UCMA: variants seen among roughly 807,000 people sequenced by gnomAD.
The protein encoded by UCMA is upper zone of growth plate and cartilage matrix-associated protein.
A neutral mutation model predicts 21.8 loss-of-function variants in UCMA; 21 were observed. The ratio of observed to expected loss-of-function variants is 0.97; its 90% CI spans 0.68 to 1.39. The LOEUF (loss-of-function observed/expected upper bound fraction) is 1.39, where lower values mean the gene tolerates loss of function less well. Ranked by LOEUF, UCMA falls within the 40% of genes most tolerant of loss-of-function variation. The pLI is 0.00. For missense variants in UCMA, 193 were observed against 178.9 expected (o/e 1.08, Z -0.45); for synonymous variants, 76 against 67.9 (o/e 1.12, Z -0.58).
intron 4 of UCMA, among the ~76,000 whole-genome samples, chr10:13,224,818 A>G (rs1834803659): frequency 6.6e-6 from 1 of 152,176 alleles, no homozygotes; most frequent in Non-Finnish European, 1.5e-5. Flanking sequence ...GAGGCACCGC[A>G]GCTGCCAGAA....
chr10:13,227,004 C>A (rs1834831031), intron 4 of UCMA, among the ~76,000 whole-genome samples: 1 of 152,150 alleles, frequency 6.6e-6, no homozygotes, highest in African/African-American at 2.4e-5. Context: ...AGGCCACATT[C>A]TCAACTTTTA....
In UCMA at chr10:13,233,594, G is replaced by A. The variant is rs374385294; in HGVS notation, c.164C>T (p.Ser55Leu). Residue 55 changes from serine (S) to leucine (L), a missense_variant, in exon 3 of 5, where the codon TCG becomes TTG. Coordinates refer to ENST00000378681, the MANE Select transcript of UCMA (RefSeq NM_145314.3). ...CTTGCCGCGCCTCTTGAGGAAATTCGAGGCATCTGATTCCTGCATGAAAAT... is the reference window on the plus strand; with the variant it reads ...CTTGCCGCGCCTCTTGAGGAAATTCAAGGCATCTGATTCCTGCATGAAAAT... ...QKIFMQESDA[S>L]NFLKRRGKRS... The A allele has an allele frequency of 1.4e-5, 23 of 1,614,062 alleles. No individual in the cohort carries two copies. The highest frequency in any genetic ancestry group is 4.0e-5 in the African/African-American group (3 of 74,970).
chr10:13,233,483 G>T, intron 3 of UCMA, 55 bp downstream of exon 3: 1 of 1,417,970 alleles, frequency 7.1e-7, no homozygotes. Flanking sequence ...AGGAGCCGGG[G>T]GGTGTGAGCA....
At position 13,233,748 on chromosome 10, in the gene UCMA, T is replaced by A; in HGVS notation, c.111A>T (p.Glu37Asp). 4.3e-6 allele frequency: 7 copies of A among 1,614,008 alleles called. No homozygotes were observed. The highest frequency in any genetic ancestry group is 5.9e-6 in the Non-Finnish European group (7 of 1,180,018). ...CCCTGCACTCACCTTCACTCGCCTC[T>A]TCTCCCGCCATCTGCATGGTGCCCA... ...VSVGTMQMAG[E>D]EASEDAKQKI... The change falls in exon 2 of 5, where the codon GAA becomes GAT. Residue 37 changes from glutamate to aspartate, a missense_variant. Physicochemically the swap from Glu to Asp is conservative, Grantham distance 45. Coordinates refer to ENST00000378681, the MANE Select transcript of UCMA (RefSeq NM_145314.3).
chr10:13,221,971 A>G lies in UCMA; in HGVS notation c.*132T>C, dbSNP rs1273280427. On this transcript the variant is annotated 3_prime_UTR_variant, in exon 5 of 5. Transcript: ENST00000378681. ...TGGAAGGAAAGGCATGCGTCTTTTC[A>G]AGAGCTGCTGGCCACTGCAGACCCC... 1.2e-6 allele frequency: 1 copy of G among 832,980 alleles called. No homozygotes were observed. Among genetic ancestry groups the G allele is most frequent in the Non-Finnish European group, 1.9e-6 (1 of 517,042 alleles). 51.6% of individuals were successfully genotyped at this position (832,980 alleles called of 1,614,324 possible).
chr10:13,232,361 G>A (rs1834909993), intron 3 of UCMA, among the ~76,000 whole-genome samples: 3 of 111,804 alleles, frequency 2.7e-5, no homozygotes, highest in Admixed American at 1.1e-4. Flanking sequence ...GACAGAGTGA[G>A]ACTCCATCTC....
chr10:13,225,054 C>G lies in UCMA; in HGVS notation c.320-2854G>C, dbSNP rs528200634. Among the ~76,000 whole-genome samples the G allele has an allele frequency of 1.6e-3, 243 of 151,222 alleles. 1 individual carries two copies. The highest frequency in any genetic ancestry group is 5.2e-3 in the African/African-American group (212 of 41,156). The stretch of plus-strand genomic sequence containing the variant: ...TTGACGTAGAAGTTGATTCAGCATC[C>G]CTTTTTTTGTTGTTTTTGTTTTTGA... On this transcript the variant is annotated intron_variant, in intron 4 of 4. Coordinates refer to ENST00000378681, the MANE Select transcript of UCMA (RefSeq NM_145314.3).
chr10:13,222,558 C>T (rs1834771550), intron 4 of UCMA, among the ~76,000 whole-genome samples: 1 of 152,118 alleles, frequency 6.6e-6, no homozygotes, highest in Non-Finnish European at 1.5e-5. Flanking sequence ...CAGGAATGGA[C>T]TACTGGAAGG....
chr10:13,232,698 G>C (rs1834914653), intron 3 of UCMA, among the ~76,000 whole-genome samples: 1 of 152,140 alleles, frequency 6.6e-6, no homozygotes, highest in Admixed American at 6.5e-5. Context: ...ACCTTGCTGA[G>C]TGCCCTGAAG....
At chr10:13,231,492 C>T (rs149991323) in intron 3 of UCMA, among the ~76,000 whole-genome samples, 286 of 152,250 alleles carry the variant, frequency 1.9e-3, no homozygotes, top group African/African-American at 6.3e-3. Context: ...TTGCTCCAAG[C>T]GCCAGAAAGC....
rs754485178 is a variant in UCMA, at chr10:13,233,568, G to A, written c.190C>T (p.Arg64Trp). ...ACCTCATCTCTGGACTTGGGGGACC[G>A]CTTGCCGCGCCTCTTGAGGAAATTC... Reference protein sequence around the residue: ...ASNFLKRRGKRSPKSRDEVNV... With the variant: ...ASNFLKRRGKWSPKSRDEVNV... Residue 64 changes from arginine (R) to tryptophan (W), a missense_variant, in exon 3 of 5, where the codon CGG becomes TGG. Coordinates refer to ENST00000378681, the MANE Select transcript of UCMA (RefSeq NM_145314.3). 1.3e-5 allele frequency: 21 copies of A among 1,614,016 alleles called. No homozygotes were observed. Among genetic ancestry groups the A allele is most frequent in the South Asian group, 6.6e-5 (6 of 91,072 alleles).
At position 13,222,035 on chromosome 10, in the gene UCMA, G is replaced by T; in HGVS notation, c.*68C>A. 1 of 1,567,270 alleles carries T rather than the reference G, an allele frequency of 6.4e-7. No homozygotes were observed. The highest frequency in any genetic ancestry group is 8.8e-7 in the Non-Finnish European group (1 of 1,139,464). On this transcript the variant is annotated 3_prime_UTR_variant, in exon 5 of 5. Coordinates refer to ENST00000378681, the MANE Select transcript of UCMA (RefSeq NM_145314.3). ...CTGAAGGGCCGGTTTGCATGGGAAA[G>T]ATTGCTGGAACACGGGGATGCCAAT...
rs1353755644 is a variant in UCMA at position 13,221,871 on chromosome 10, A to G, written c.*232T>C. 7 of 552,882 alleles carry G rather than the reference A, an allele frequency of 1.3e-5. No individual in the cohort carries two copies. The highest frequency in any genetic ancestry group is 2.3e-5 in the Non-Finnish European group (7 of 309,884). The allele number at this position is 552,882 out of a possible 1,614,324, so 34.2% of individuals were successfully genotyped here. ...GGGAAGCCACTGTAGGTTTGGTACT[A>G]GGAGGCCCTGCAGGCAGTTGCTCAC... On this transcript the variant is annotated 3_prime_UTR_variant, in exon 5 of 5. Coordinates refer to ENST00000378681, the MANE Select transcript of UCMA (RefSeq NM_145314.3).
intron 4 of UCMA, among the ~76,000 whole-genome samples, chr10:13,227,168 A>G (rs1431119856): frequency 6.6e-6 from 1 of 152,178 alleles, no homozygotes; most frequent in Non-Finnish European, 1.5e-5. Context: ...GGCCTCAGCC[A>G]GGTGCACCTG....
chr10:13,223,000 A>G (rs10752290), intron 4 of UCMA, among the ~76,000 whole-genome samples: 54,599 of 151,378 alleles, frequency 0.36, 10,904 homozygotes, highest in East Asian at 0.61. Flanking sequence ...TGAGGCTGGC[A>G]GATCACCCAA....
intron 2 of UCMA, 48 bp downstream of exon 2, chr10:13,233,687 C>T (rs1449240218): frequency 1.9e-6 from 3 of 1,613,798 alleles, no homozygotes; most frequent in Admixed American, 1.7e-5. Flanking sequence ...GGGGCTGCTG[C>T]TTCGCTGGCT....
In UCMA at chr10:13,233,525, C is replaced by G. The variant is rs776976215; in HGVS notation, c.220+13G>C. On this transcript the variant is annotated intron_variant, in intron 3 of 4. Transcript: ENST00000378681. ...GTGATGGACGCGGGATGGGGTCCCT[C>G]CAGCATCCTTACCATTGACCTCATC... 6.2e-7 allele frequency: 1 copy of G among 1,612,064 alleles called. No homozygotes were observed. Among genetic ancestry groups the G allele is most frequent in the Admixed American group, 1.7e-5 (1 of 59,876 alleles).
chr10:13,222,617 G>A (rs1194849830), intron 4 of UCMA, among the ~76,000 whole-genome samples: 1 of 152,060 alleles, frequency 6.6e-6, no homozygotes, highest in Non-Finnish European at 1.5e-5. Context: ...AAAACATGAA[G>A]GAAATCATTG....
At position 13,222,200 on chromosome 10, in the gene UCMA, T is replaced by C. The variant is rs750858607; in HGVS notation, c.320A>G (p.Glu107Gly). The C allele has an allele frequency of 1.1e-5, 17 of 1,613,340 alleles. No individual in the cohort carries two copies. The East Asian group carries it at 3.8e-4, about 36-fold the overall frequency. The change falls in exon 5 of 5, where the codon GAG becomes GGG. Residue 107 changes from glutamate (E) to glycine (G), a missense_variant and splice_region_variant. Physicochemically the swap from Glu to Gly is moderately conservative, Grantham distance 98. Transcript: ENST00000378681. ...AGCCTCCCGGCTCCTCTCTTCCTGC[T>C]CTGGGGAGGAAAGACAAAGCCACCT... ...FENFVEEQND[E>G]QEERSREAVE...
Sources: allele counts gnomAD v4.1 joint callset (sites outside exome capture counted in the v4.1 genomes callset), GRCh38; gene constraint gnomAD v4.1.1; transcripts MANE v1.5; gene names NCBI Gene and HGNC (gene_info 2026-07-23, HGNC 2026-07-21).